The following CTNNA3 variants were observed in gnomAD, a reference collection of about 807,000 sequenced individuals.
CTNNA3 encodes the protein catenin alpha-3.
In CTNNA3, 76 loss-of-function variants were observed where a neutral mutation model predicts 95.7. The ratio of observed to expected loss-of-function variants is 0.79; its 90% CI spans 0.66 to 0.96. The LOEUF (loss-of-function observed/expected upper bound fraction) is 0.96, where lower values mean the gene tolerates loss of function less well. Among genes scored for constraint, CTNNA3 ranks in the 40% least tolerant of loss-of-function variants. The probability of loss-of-function intolerance (pLI) is 0.00; values close to 1 mark genes in which losing one functional copy is unlikely to be tolerated. For synonymous variants in CTNNA3, 431 were observed against 374.4 expected, an observed-to-expected ratio of 1.15 and a Z score of -1.74; for missense variants, 1,191 against 1,089.8, an observed-to-expected ratio of 1.09 and a Z score of -1.31.
chr10:66,793,101 C>T lies in CTNNA3; in HGVS notation c.1048-17577G>A, dbSNP rs117608850. ...TTGTGTTGGATGTCCAATGGTAATC[C>T]ACAGGTGTAATGAGGTTTTGGGGGG... On this transcript the variant is annotated intron_variant, in intron 7 of 17. Coordinates refer to ENST00000433211, the MANE Select transcript of CTNNA3 (RefSeq NM_013266.4). Among the ~76,000 whole-genome samples the T allele has an allele frequency of 3.8e-4, 58 of 152,030 alleles. 2 individuals are homozygous for T. In the East Asian group the frequency reaches 0.01, roughly 27 times the overall value.
At chr10:67,580,353 A>T (rs79958153) in intron 3 of CTNNA3, among the ~76,000 whole-genome samples, 4 of 152,008 alleles carry the variant, frequency 2.6e-5, no homozygotes, top group Non-Finnish European at 4.4e-5. Flanking sequence ...TTTGTCAAAG[A>T]TCAGATGGTT....
At chr10:66,196,551 C>G (rs1350937870) in intron 13 of CTNNA3, among the ~76,000 whole-genome samples, 2 of 152,142 alleles carry the variant, frequency 1.3e-5, no homozygotes, top group Non-Finnish European at 2.9e-5. Flanking sequence ...TTCTTCCCTC[C>G]CTTACTGATT....
intron 1 of CTNNA3, among the ~76,000 whole-genome samples, chr10:67,739,179 G>T (rs1378665907): frequency 6.6e-6 from 1 of 152,134 alleles, no homozygotes; most frequent in Non-Finnish European, 1.5e-5. Context: ...AAAATGGTAA[G>T]GGCAGCCAGA....
At chr10:66,371,791 A>G (rs1311223821) in intron 12 of CTNNA3, among the ~76,000 whole-genome samples, 1 of 152,170 alleles carries the variant, frequency 6.6e-6, no homozygotes, top group Non-Finnish European at 1.5e-5. Context: ...CTCGAAGGCC[A>G]GGTACTCACC....
At chr10:67,487,521 T>A (rs1335818005) in intron 5 of CTNNA3, among the ~76,000 whole-genome samples, 3 of 151,932 alleles carry the variant, frequency 2.0e-5, no homozygotes, top group African/African-American at 7.3e-5. Context: ...GGGGAAAAAA[T>A]GTAAAATCAT....
rs1003588038 is a variant in CTNNA3 at position 66,551,692 on chromosome 10, T to C, written c.1375-30919A>G. ...GGATCTTGTAATACTCTGAAGAATGTTGATATTTTTATTTTAGTAGGCATT... is the reference window on the plus strand; with the variant it reads ...GGATCTTGTAATACTCTGAAGAATGCTGATATTTTTATTTTAGTAGGCATT... On this transcript the variant is annotated intron_variant, in intron 10 of 17. Transcript: ENST00000433211. 5.9e-5 allele frequency among the ~76,000 whole-genome samples: 9 copies of C among 152,068 alleles called. No homozygotes were observed. The East Asian group carries it at 1.2e-3, about 20-fold the overall frequency.
chr10:66,521,707 G>C (rs1372293418), intron 10 of CTNNA3, among the ~76,000 whole-genome samples: 1 of 152,096 alleles, frequency 6.6e-6, no homozygotes, highest in Non-Finnish European at 1.5e-5. Context: ...AATGCCTTTA[G>C]CATATCAAAA....
chr10:66,743,844 C>T lies in CTNNA3; in HGVS notation c.1281+22420G>A, dbSNP rs184761733. Among the ~76,000 whole-genome samples, 582 of 151,800 alleles carry T rather than the reference C, an allele frequency of 3.8e-3. 2 individuals are homozygous for T. Among genetic ancestry groups the T allele is most frequent in the African/African-American group, 0.013 (547 of 41,400 alleles). ...TACAAAAATTAGCTGGGCACAGTGG[C>T]GTGTGCCTGTGGTCCCAGCTACTTG... On this transcript the variant is annotated intron_variant, in intron 9 of 17. Coordinates refer to ENST00000433211, the MANE Select transcript of CTNNA3 (RefSeq NM_013266.4).
chr10:67,422,552 T>C (rs896687165), intron 5 of CTNNA3, among the ~76,000 whole-genome samples: 1 of 152,120 alleles, frequency 6.6e-6, no homozygotes, highest in African/African-American at 2.4e-5. Flanking sequence ...AAATCTCATG[T>C]CAAATTAGAG....
chr10:67,298,694 C>G (rs147512487), intron 5 of CTNNA3, among the ~76,000 whole-genome samples: 1 of 152,288 alleles, frequency 6.6e-6, no homozygotes, highest in African/African-American at 2.4e-5. Context: ...TAAATGCAAA[C>G]TACTTCTGAT....
chr10:66,798,366 G>A (rs189019564), intron 7 of CTNNA3, among the ~76,000 whole-genome samples: 2 of 151,064 alleles, frequency 1.3e-5, no homozygotes, highest in African/African-American at 2.4e-5. Flanking sequence ...GATAAGGATA[G>A]CTTAAAAAAA....
chr10:66,663,469 A>C (rs954868289), intron 9 of CTNNA3, among the ~76,000 whole-genome samples: 1 of 78,824 alleles, frequency 1.3e-5, no homozygotes, highest in African/African-American at 6.4e-5. Flanking sequence ...TTTGCCTTTT[A>C]CAAAAAAAAA....
intron 13 of CTNNA3, among the ~76,000 whole-genome samples, chr10:66,194,341 C>T (rs545247024): frequency 2.6e-5 from 4 of 152,128 alleles, no homozygotes; most frequent in East Asian, 1.9e-4. Flanking sequence ...GCACTTTGGG[C>T]GGCCGAGGCA....
chr10:66,211,345 T>C (rs1338698378), intron 13 of CTNNA3, among the ~76,000 whole-genome samples: 2 of 152,120 alleles, frequency 1.3e-5, no homozygotes, highest in Non-Finnish European at 2.9e-5. Flanking sequence ...GGGCTCCAGA[T>C]ATGGGGACAG....
chr10:67,524,592 A>T (rs1232560935), intron 4 of CTNNA3, among the ~76,000 whole-genome samples: 1 of 152,142 alleles, frequency 6.6e-6, no homozygotes, highest in African/African-American at 2.4e-5. Flanking sequence ...ATCAGGAATT[A>T]TATCCTCCAT....
intron 1 of CTNNA3, among the ~76,000 whole-genome samples, chr10:67,703,700 C>T (rs568572828): frequency 1.8e-4 from 28 of 152,294 alleles, no homozygotes; most frequent in African/African-American, 6.5e-4. Flanking sequence ...GAAGCATTGC[C>T]TTTGAAAACT....
At chr10:67,385,533 GAA>G (rs1394795915) in intron 5 of CTNNA3, among the ~76,000 whole-genome samples, 1 of 152,116 alleles carries the variant, frequency 6.6e-6, no homozygotes, top group African/African-American at 2.4e-5. Flanking sequence ...AACTCTAATA[GAA>G]TAAAGTTTGC....
In CTNNA3 at chr10:66,579,145, G is replaced by A. The variant is rs534671516; in HGVS notation, c.1374+42547C>T. 8.6e-4 allele frequency among the ~76,000 whole-genome samples: 130 copies of A among 151,858 alleles called. 1 individual carries two copies. Among genetic ancestry groups the A allele is most frequent in the African/African-American group, 2.5e-3 (102 of 41,468 alleles). Reference sequence around the variant, plus strand: ...CATACAGCTGTTCATAATAGTCTCTGAGGATTTTTTGTATTTCTTTGAGAT... The same window carrying A: ...CATACAGCTGTTCATAATAGTCTCTAAGGATTTTTTGTATTTCTTTGAGAT... On this transcript the variant is annotated intron_variant, in intron 10 of 17. Coordinates refer to ENST00000433211, the MANE Select transcript of CTNNA3 (RefSeq NM_013266.4).
At position 66,422,684 on chromosome 10, in the gene CTNNA3, C is replaced by T. The variant is rs75758728; in HGVS notation, c.1532-43332G>A. ...TTATTTTTCAACATTGCAGATATCG[C>T]TTTGATTTTTTCCATATCAATCTAG... On this transcript the variant is annotated intron_variant, in intron 11 of 17. Transcript: ENST00000433211. 4.9e-4 allele frequency among the ~76,000 whole-genome samples: 74 copies of T among 152,122 alleles called. No homozygotes were observed. In the East Asian group the frequency reaches 8.9e-3, roughly 18 times the overall value.
Sources: allele counts gnomAD v4.1 joint callset (sites outside exome capture counted in the v4.1 genomes callset), GRCh38; gene constraint gnomAD v4.1.1; transcripts MANE v1.5; gene names NCBI Gene and HGNC (gene_info 2026-07-23, HGNC 2026-07-21).